USP46: variants seen among roughly 807,000 people sequenced by gnomAD.
The protein encoded by USP46 is ubiquitin specific peptidase 46.
Under a neutral mutation model 44.4 loss-of-function variants are expected in USP46, and 12 were observed. The observed-to-expected ratio is 0.27, with a 90% confidence interval of 0.17 to 0.44. The LOEUF is 0.44. Among genes scored for constraint, USP46 ranks in the 20% least tolerant of loss-of-function variants. USP46 has a pLI of 1.00. For missense variants in USP46, 248 were observed against 444.8 expected, an observed-to-expected ratio of 0.56 and a Z score of 3.98; for synonymous variants, 155 against 161.5, an observed-to-expected ratio of 0.96 and a Z score of 0.31.
rs78398515 is a variant in USP46, at chr4:52,606,081, G to A, written c.639-1497C>T. Among the ~76,000 whole-genome samples, 1,452 of 152,282 alleles carry A rather than the reference G, an allele frequency of 9.5e-3. 20 individuals carry two copies. The highest frequency in any genetic ancestry group is 0.033 in the African/African-American group (1,362 of 41,552). The stretch of plus-strand genomic sequence containing the variant: ...ATTTGATTACTTGCCTCCCCTCTAT[G>A]TGGGCAGTGCACTTGTCATTCCTAT... On this transcript the variant is annotated intron_variant, in intron 5 of 8. Transcript: ENST00000441222.
chr4:52,599,191 A>G (rs1211751272), intron 7 of USP46, among the ~76,000 whole-genome samples: 4 of 144,180 alleles, frequency 2.8e-5, no homozygotes, highest in East Asian at 4.5e-4. Context: ...TTTGATGGAA[A>G]GTGAAGGGAG....
intron 7 of USP46, among the ~76,000 whole-genome samples, chr4:52,599,152 T>G (rs1433952588): frequency 1.3e-5 from 2 of 149,902 alleles, no homozygotes; most frequent in African/African-American, 2.5e-5. Context: ...AGCAGGGTAA[T>G]GGGATATGAG....
At chr4:52,645,090 TG>T (rs1486318771) in intron 1 of USP46, among the ~76,000 whole-genome samples, 2 of 151,854 alleles carry the variant, frequency 1.3e-5, no homozygotes, top group Non-Finnish European at 1.5e-5. Flanking sequence ...CCGGACATGG[TG>T]GCATGCACCT....
Position 52,631,065 on chromosome 4 carries a change from T to C in USP46, c.116A>G (p.Asn39Ser), listed in dbSNP as rs1717806049. The C allele has an allele frequency of 6.4e-7, 1 of 1,562,094 alleles. No individual in the cohort carries two copies. Among genetic ancestry groups the C allele is most frequent in the Non-Finnish European group, 8.7e-7 (1 of 1,151,496 alleles). ...PINEHYFGLVNFGNTCYCNSV... is the reference protein window; with the variant it reads ...PINEHYFGLVSFGNTCYCNSV... Reference sequence around the variant, plus strand: ...AAATAATACATTTTACATACTTACATTGACCAATCCGAAATAGTGTTCATT... The same window carrying C: ...AAATAATACATTTTACATACTTACACTGACCAATCCGAAATAGTGTTCATT... Residue 39 changes from asparagine to serine, a missense_variant and splice_region_variant, in exon 2 of 9, where the codon AAT becomes AGT. By Grantham distance (46) the Asn-to-Ser change is conservative. Transcript: ENST00000441222.
intron 1 of USP46, among the ~76,000 whole-genome samples, chr4:52,640,837 A>T (rs1244131665): frequency 2.0e-5 from 3 of 151,980 alleles, no homozygotes; most frequent in Non-Finnish European, 4.4e-5. Flanking sequence ...ACAAATTTTT[A>T]AAAATATAAT....
In USP46 at chr4:52,614,304, C is replaced by T. The variant is rs28825181; in HGVS notation, c.562-3687G>A. Among the ~76,000 whole-genome samples the T allele has an allele frequency of 6.7e-3, 1,018 of 152,094 alleles. 10 individuals are homozygous for T. Among genetic ancestry groups the T allele is most frequent in the East Asian group, 0.049 (252 of 5,166 alleles). On this transcript the variant is annotated intron_variant, in intron 4 of 8. Coordinates refer to ENST00000441222, the MANE Select transcript of USP46 (RefSeq NM_022832.4). ...TTTCCCAAATTTGGTGAAAGACATC[C>T]ATTAATAGATTCAAGATACTCAACC...
At position 52,659,180 on chromosome 4, in the gene USP46, G is replaced by A. The variant is rs374323887; in HGVS notation, c.-30C>T. On this transcript the variant is annotated 5_prime_UTR_variant, in exon 1 of 9. Coordinates refer to ENST00000441222, the MANE Select transcript of USP46 (RefSeq NM_022832.4). The surrounding 1 kb of genome is among the most constrained non-coding windows in gnomAD (Gnocchi z 4.2). Reference sequence around the variant, plus strand: ...CTAAAGGTTGCAGCGATCCCTCACCGCCATCTTTACAAGGGGAAACCGGGA... The same window carrying A: ...CTAAAGGTTGCAGCGATCCCTCACCACCATCTTTACAAGGGGAAACCGGGA... 1.9e-6 allele frequency: 3 copies of A among 1,539,988 alleles called. No individual in the cohort carries two copies. The highest frequency in any genetic ancestry group is 2.8e-5 in the African/African-American group (2 of 70,578).
At chr4:52,602,404 G>T (rs540571396) in intron 6 of USP46, among the ~76,000 whole-genome samples, 2 of 152,320 alleles carry the variant, frequency 1.3e-5, no homozygotes, top group South Asian at 4.1e-4. Flanking sequence ...AGATGATGGA[G>T]AGGAAGGTTG....
intron 1 of USP46, among the ~76,000 whole-genome samples, chr4:52,644,455 C>T (rs947824218): frequency 3.3e-5 from 5 of 152,102 alleles, no homozygotes; most frequent in Non-Finnish European, 7.4e-5. Context: ...AGGAACCAAG[C>T]GGCACAGCAG....
chr4:52,658,421 G>A, intron 1 of USP46: 1 of 367,128 alleles, frequency 2.7e-6, no homozygotes, highest in South Asian at 2.0e-5. Context: ...AGCGGATCAG[G>A]CAGGATAACC....
chr4:52,648,373 G>A (rs544182990), intron 1 of USP46, among the ~76,000 whole-genome samples: 49 of 152,294 alleles, frequency 3.2e-4, no homozygotes, highest in Non-Finnish European at 5.9e-4. Context: ...AGTTTTAAGT[G>A]TAGCAATAAT....
At chr4:52,611,503 A>G (rs774852003) in intron 4 of USP46, among the ~76,000 whole-genome samples, 12 of 152,234 alleles carry the variant, frequency 7.9e-5, no homozygotes, top group Non-Finnish European at 1.6e-4. Context: ...CATTCTTTTT[A>G]AAGTGTGACA....
At chr4:52,606,852 A>G (rs552404503) in intron 5 of USP46, among the ~76,000 whole-genome samples, 1 of 152,220 alleles carries the variant, frequency 6.6e-6, no homozygotes, top group Non-Finnish European at 1.5e-5. Context: ...CAAATGTACT[A>G]AACTTTCAGA....
chr4:52,599,203 C>T (rs1560389308), intron 7 of USP46, among the ~76,000 whole-genome samples: 1 of 151,430 alleles, frequency 6.6e-6, no homozygotes, highest in Non-Finnish European at 1.5e-5. Flanking sequence ...TGAAGGGAGG[C>T]CACTTTGATA....
chr4:52,641,368 T>C (rs1577692076), intron 1 of USP46, among the ~76,000 whole-genome samples: 1 of 152,276 alleles, frequency 6.6e-6, no homozygotes, highest in Non-Finnish European at 1.5e-5. Context: ...AAGACTATAA[T>C]GTTAGCTCCT....
At chr4:52,658,969 C>T in intron 1 of USP46, 146 bp downstream of exon 1, 1 of 964,364 alleles carries the variant, frequency 1.0e-6, no homozygotes, top group Non-Finnish European at 1.4e-6. Flanking sequence ...TGCGGCCGCG[C>T]GCCCAGCTCG....
intron 1 of USP46, among the ~76,000 whole-genome samples, chr4:52,648,394 A>G (rs749789400): frequency 7.9e-5 from 12 of 152,248 alleles, no homozygotes; most frequent in Non-Finnish European, 1.3e-4. Flanking sequence ...GTTTTTGAAA[A>G]GGATTAGAAA....
Position 52,592,704 on chromosome 4 carries a change from T to C in USP46, c.*4936A>G, listed in dbSNP as rs1716068274. On this transcript the variant is annotated 3_prime_UTR_variant, in exon 9 of 9. Coordinates refer to ENST00000441222, the MANE Select transcript of USP46 (RefSeq NM_022832.4). ...AAATACAAAAATTACCCGGGTATAG[T>C]GGCACATGCCTGTAGTCCCAGCTAC... The C allele has an allele frequency of 2.5e-6, 1 of 393,346 alleles. No homozygotes were observed. The highest frequency in any genetic ancestry group is 4.5e-6 in the Non-Finnish European group (1 of 223,342). 24.4% of individuals were successfully genotyped at this position (393,346 alleles called of 1,614,324 possible).
At position 52,606,494 on chromosome 4, in the gene USP46, G is replaced by A. The variant is rs948917767; in HGVS notation, c.639-1910C>T. Among the ~76,000 whole-genome samples, 5 of 152,210 alleles carry A rather than the reference G, an allele frequency of 3.3e-5. No individual in the cohort carries two copies. The South Asian group carries it at 1.0e-3, about 32-fold the overall frequency. On this transcript the variant is annotated intron_variant, in intron 5 of 8. Transcript: ENST00000441222. ...CAGCAGACAAGAGACAGCAGGTGCA[G>A]GGGAACTCCCATTTATAAAACCATC...
Sources: allele counts gnomAD v4.1 joint callset (sites outside exome capture counted in the v4.1 genomes callset), GRCh38; gene constraint gnomAD v4.1.1; non-coding constraint Gnocchi (gnomAD v3.1); transcripts MANE v1.5; gene names NCBI Gene and HGNC (gene_info 2026-07-23, HGNC 2026-07-21).